Variants in KIF2A observed in about 807,000 individuals in gnomAD.
The protein encoded by KIF2A is kinesin family member 2A, also known as kinesin-like protein KIF2A.
Under a neutral mutation model 100.2 loss-of-function variants are expected in KIF2A, and 22 were observed. The ratio of observed to expected loss-of-function variants is 0.22; its 90% CI spans 0.16 to 0.31. KIF2A has a LOEUF of 0.31. Ranked by LOEUF, KIF2A falls within the 10% of genes least tolerant of loss-of-function variation. The pLI is 1.00. For missense variants in KIF2A, 495 were observed against 898.7 expected, an observed-to-expected ratio of 0.55 and a Z score of 5.74; for synonymous variants, 268 against 285.9, an observed-to-expected ratio of 0.94 and a Z score of 0.63.
intron 18 of KIF2A, among the ~76,000 whole-genome samples, chr5:62,374,170 T>TC (rs1741439750): frequency 1.3e-5 from 2 of 152,178 alleles, no homozygotes; most frequent in Non-Finnish European, 2.9e-5. Context: ...TGTCATAGCA[T>TC]CACTGCACTC....
At chr5:62,308,238 G>A (rs1745405919) in intron 1 of KIF2A, 2 of 763,296 alleles carry the variant, frequency 2.6e-6, no homozygotes, top group East Asian at 3.4e-5. Flanking sequence ...CTTTACTTGG[G>A]TTGAGGTTTC....
intron 1 of KIF2A, among the ~76,000 whole-genome samples, chr5:62,335,613 A>G (rs1382424379): frequency 6.6e-6 from 1 of 152,132 alleles, no homozygotes; most frequent in Non-Finnish European, 1.5e-5. Flanking sequence ...GGGGATATAA[A>G]CGGGAACCTG....
intron 1 of KIF2A, chr5:62,308,539 T>A: frequency 1.4e-6 from 1 of 703,268 alleles, no homozygotes; most frequent in Non-Finnish European, 2.6e-6. Flanking sequence ...AAATTATGTG[T>A]GTGTGTATAC....
chr5:62,314,093 A>G (rs915107227), intron 1 of KIF2A, among the ~76,000 whole-genome samples: 58 of 152,182 alleles, frequency 3.8e-4, no homozygotes, highest in African/African-American at 9.2e-4. Flanking sequence ...TACCTGGTCA[A>G]ATTTATTCAA....
Position 62,388,817 on chromosome 5 carries a change from T to C in KIF2A, c.*3248T>C, listed in dbSNP as rs1455814505. 1.6e-6 allele frequency: 1 copy of C among 607,028 alleles called. No individual in the cohort carries two copies. The highest frequency in any genetic ancestry group is 2.9e-6 in the Non-Finnish European group (1 of 339,254). The allele number at this position is 607,028 out of a possible 1,614,324, so 37.6% of individuals were successfully genotyped here. ...GAATAGATTGGACCAGCATTATATATTAAAAACTTTGATACTTAGAACTTT... is the reference window on the plus strand; with the variant it reads ...GAATAGATTGGACCAGCATTATATACTAAAAACTTTGATACTTAGAACTTT... On this transcript the variant is annotated 3_prime_UTR_variant, in exon 21 of 21. Coordinates refer to ENST00000407818, the MANE Select transcript of KIF2A (RefSeq NM_001098511.3).
intron 1 of KIF2A, among the ~76,000 whole-genome samples, chr5:62,312,219 A>G (rs970520953): frequency 2.6e-5 from 4 of 152,234 alleles, no homozygotes; most frequent in African/African-American, 9.6e-5. Flanking sequence ...CTTGATTCTT[A>G]TGACAAAGAT....
intron 20 of KIF2A, among the ~76,000 whole-genome samples, chr5:62,384,215 C>G (rs1417272036): frequency 6.6e-6 from 1 of 152,210 alleles, no homozygotes; most frequent in Non-Finnish European, 1.5e-5. Context: ...CGCCACTGCA[C>G]TCCAACCTGG....
chr5:62,374,487 A>G (rs1741454820), intron 18 of KIF2A, among the ~76,000 whole-genome samples: 2 of 152,150 alleles, frequency 1.3e-5, no homozygotes, highest in Admixed American at 6.5e-5. Flanking sequence ...AAAATTTGGG[A>G]AAAATTTAAA....
At chr5:62,353,082 C>A (rs377125121) in intron 5 of KIF2A, 193 bp from the exon 6 acceptor site, 17 of 461,102 alleles carry the variant, frequency 3.7e-5, no homozygotes, top group East Asian at 3.3e-4. Flanking sequence ...TTTTTCTGGA[C>A]TCTCATCTGT....
intron 18 of KIF2A, among the ~76,000 whole-genome samples, chr5:62,375,332 C>T (rs983386285): frequency 1.2e-4 from 19 of 152,190 alleles, no homozygotes; most frequent in Non-Finnish European, 8.8e-5. Context: ...GTTAAGTTAG[C>T]ATTGATTAGT....
rs780829315 is a variant in KIF2A at position 62,372,460 on chromosome 5, C to T, written c.1669C>T (p.Pro557Ser). The T allele has an allele frequency of 2.5e-6, 4 of 1,608,928 alleles. No homozygotes were observed. The highest frequency in any genetic ancestry group is 3.4e-6 in the Non-Finnish European group (4 of 1,175,824). Reference protein sequence around the residue: ...ANRVKEFGISPSDIPFSQGSG... With the variant: ...ANRVKEFGISSSDIPFSQGSG... ...CAGAGTAAAGGAGTTTGGAATTAGT[C>T]CATCAGACATTCCCTTCTCACAGGG... The change falls in exon 17 of 21, where the codon CCA becomes TCA. Residue 557 changes from proline to serine, a missense_variant. Around this residue, in one of 10 missense-constraint regions of KIF2A, gnomAD observed 100 missense variants for 138.2 expected, o/e 0.72. Transcript: ENST00000407818.
chr5:62,372,463 T>C lies in KIF2A; in HGVS notation c.1672T>C (p.Ser558Pro). The change falls in exon 17 of 21, where the codon TCA becomes CCA. Residue 558 changes from serine to proline, a missense_variant. Coordinates refer to ENST00000407818, the MANE Select transcript of KIF2A (RefSeq NM_001098511.3). Reference sequence around the variant, plus strand: ...AGTAAAGGAGTTTGGAATTAGTCCATCAGACATTCCCTTCTCACAGGGTAG... The same window carrying C: ...AGTAAAGGAGTTTGGAATTAGTCCACCAGACATTCCCTTCTCACAGGGTAG... ...NRVKEFGISP[S>P]DIPFSQGSGS... 6.2e-7 allele frequency: 1 copy of C among 1,610,952 alleles called. No individual in the cohort carries two copies. Among genetic ancestry groups the C allele is most frequent in the Non-Finnish European group, 8.5e-7 (1 of 1,177,500 alleles).
intron 1 of KIF2A, among the ~76,000 whole-genome samples, chr5:62,323,238 G>A (rs11952777): frequency 0.25 from 36,114 of 141,820 alleles, 4,517 homozygotes; most frequent in Middle Eastern, 0.38. Flanking sequence ...CCTGGGCAAC[G>A]AGCGAAACTC....
intron 19 of KIF2A, among the ~76,000 whole-genome samples, chr5:62,380,305 A>G (rs1172646429): frequency 1.3e-5 from 2 of 152,184 alleles, no homozygotes; most frequent in East Asian, 1.9e-4. Flanking sequence ...TAGCTTTATT[A>G]TGCACATTCT....
At chr5:62,310,444 A>G (rs1247934111) in intron 1 of KIF2A, among the ~76,000 whole-genome samples, 3 of 152,192 alleles carry the variant, frequency 2.0e-5, no homozygotes, top group African/African-American at 7.2e-5. Flanking sequence ...TTCCTTGCAC[A>G]TCGTTTTTGA....
intron 1 of KIF2A, among the ~76,000 whole-genome samples, chr5:62,341,874 A>T (rs1371800741): frequency 6.6e-6 from 1 of 152,112 alleles, no homozygotes; most frequent in African/African-American, 2.4e-5. Flanking sequence ...TGGTAATTCT[A>T]CTGGTAATTG....
chr5:62,389,366 A>G lies in KIF2A; in HGVS notation c.*3797A>G, dbSNP rs1742184392. On this transcript the variant is annotated 3_prime_UTR_variant, in exon 21 of 21. Coordinates refer to ENST00000407818, the MANE Select transcript of KIF2A (RefSeq NM_001098511.3). ...CCTGGCATGGTGGCACATGCCTGTA[A>G]TCCCAGCTACTCGGGTGGTTGAGGC... Among the ~76,000 whole-genome samples, 1 of 151,602 alleles carries G rather than the reference A, an allele frequency of 6.6e-6. No homozygotes were observed.
In KIF2A at chr5:62,310,068, T is replaced by TAA. The variant is rs1428602027; in HGVS notation, c.64+3532_64+3533insAA. Among the ~76,000 whole-genome samples, 459 of 115,008 alleles carry TAA rather than the reference T, an allele frequency of 4.0e-3. 9 individuals carry two copies. Among genetic ancestry groups the TAA allele is most frequent in the African/African-American group, 9.6e-3 (267 of 27,730 alleles). 75.4% of individuals were successfully genotyped at this position (115,008 alleles called of 152,430 possible). A position where few individuals can be genotyped will look rare whatever the true frequency, so the allele number is the denominator to read the frequency against. ...AATGGGACTTACTAATAACTAATAA[T>TAA]TCTTTTTTTTTTTTTTTTTGAGACA... On this transcript the variant is annotated intron_variant, in intron 1 of 20. Coordinates refer to ENST00000407818, the MANE Select transcript of KIF2A (RefSeq NM_001098511.3).
intron 17 of KIF2A, 80 bp from the exon 18 acceptor site, chr5:62,373,607 G>A (rs1323670795): frequency 4.9e-5 from 47 of 961,200 alleles, no homozygotes; most frequent in Middle Eastern, 4.2e-4. Flanking sequence ...ACTGAATTGC[G>A]TGTATATTGA....
Sources: gnomAD v4.1 joint callset for allele counts (sites outside exome capture counted in the v4.1 genomes callset) on GRCh38, gnomAD v4.1.1 for gene constraint, gnomAD v4.1.1 regional missense constraint, MANE v1.5 for transcripts, NCBI Gene and HGNC (gene_info 2026-07-23, HGNC 2026-07-21) for gene names.